CCDC14: variants seen among roughly 807,000 people sequenced by gnomAD.
The protein encoded by CCDC14 is coiled-coil domain containing 14.
CCDC14 carries 71 observed loss-of-function variants against 81.4 expected under a neutral mutation model. The ratio of observed to expected loss-of-function variants is 0.87; its 90% CI spans 0.72 to 1.06. The LOEUF is 1.06. CCDC14 is among the 50% of genes least tolerant of loss of function. CCDC14 has a pLI of 0.00. For missense variants in CCDC14, 1,046 were observed against 1,047.3 expected (o/e 1.00, Z 0.02); for synonymous variants, 332 against 364.8 (o/e 0.91, Z 1.03).
Position 123,937,308 on chromosome 3 carries a change from T to C in CCDC14, c.1344-3553A>G, listed in dbSNP as rs553078797. 3.9e-4 allele frequency among the ~76,000 whole-genome samples: 60 copies of C among 152,226 alleles called. 2 individuals carry two copies. In the South Asian group the frequency reaches 0.012, roughly 30 times the overall value. ...ATTATTTTACATTCCCATCAGTTAA[T>C]TGTGAAATCCTTCACATCCCAACAT... On this transcript the variant is annotated intron_variant, in intron 9 of 12. Transcript: ENST00000409697.
chr3:123,899,710 C>G (rs1215898709), intron 5 of CCDC14, among the ~76,000 whole-genome samples: 3 of 152,218 alleles, frequency 2.0e-5, no homozygotes, highest in Non-Finnish European at 4.4e-5. Flanking sequence ...TCTTGTCCCT[C>G]TAATCCACAC....
Position 123,931,291 on chromosome 3 carries a change from A to G in CCDC14, c.1645+17T>C, listed in dbSNP as rs2035688720. On this transcript the variant is annotated intron_variant, in intron 11 of 12. Transcript: ENST00000409697. ...CCTTTTAAAAGATGTGACCATAACTACTGTCTAAATACGTACCAATTTTTA... is the reference window on the plus strand; with the variant it reads ...CCTTTTAAAAGATGTGACCATAACTGCTGTCTAAATACGTACCAATTTTTA... 1 of 1,568,486 alleles carries G rather than the reference A, an allele frequency of 6.4e-7. No individual in the cohort carries two copies. Among genetic ancestry groups the G allele is most frequent in the Non-Finnish European group, 8.7e-7 (1 of 1,155,328 alleles).
At chr3:123,919,472 G>C (rs2034911902) in intron 12 of CCDC14, among the ~76,000 whole-genome samples, 1 of 152,094 alleles carries the variant, frequency 6.6e-6, no homozygotes, top group African/African-American at 2.4e-5. Context: ...ATTCTAAACA[G>C]CAGTAGCACT....
At chr3:123,935,205 A>G (rs2035989035) in intron 9 of CCDC14, among the ~76,000 whole-genome samples, 1 of 152,172 alleles carries the variant, frequency 6.6e-6, no homozygotes, top group African/African-American at 2.4e-5. Context: ...AACATGAAGA[A>G]TTGCAAATTT....
rs996153410 is a variant in CCDC14, at chr3:123,956,344, T to G, written c.159+11A>C. ...ATTAAAATAGTGTGTATTGTATCTA[T>G]TCAATCTTACCTGACTTTCTGAATC... On this transcript the variant is annotated intron_variant, in intron 3 of 12. Transcript: ENST00000409697. 15 of 1,528,482 alleles carry G rather than the reference T, an allele frequency of 9.8e-6. No individual in the cohort carries two copies. The African/African-American group carries it at 1.8e-4, about 18-fold the overall frequency. The allele number at this position is 1,528,482 out of a possible 1,614,324, so 94.7% of individuals were successfully genotyped here. A position where few individuals can be genotyped will look rare whatever the true frequency, so the allele number is the denominator to read the frequency against.
At chr3:123,945,989 A>G (rs1577312532) in intron 8 of CCDC14, among the ~76,000 whole-genome samples, 1 of 152,130 alleles carries the variant, frequency 6.6e-6, no homozygotes, top group Non-Finnish European at 1.5e-5. Flanking sequence ...TGTTCAATAA[A>G]TGACAGCTAA....
At chr3:123,918,572 C>G (rs1014667731) in intron 12 of CCDC14, among the ~76,000 whole-genome samples, 2 of 152,118 alleles carry the variant, frequency 1.3e-5, no homozygotes, top group African/African-American at 4.8e-5. Context: ...TTAAAAGGAA[C>G]AGTTTCACCC....
chr3:123,926,530 ATTAT>A (rs1382712084), intron 12 of CCDC14, among the ~76,000 whole-genome samples: 2 of 148,246 alleles, frequency 1.3e-5, no homozygotes, highest in Non-Finnish European at 3.0e-5. Flanking sequence ...AATGTTATAT[ATTAT>A]TTAATTTATA....
rs1018522920 is a variant in CCDC14 at position 123,920,087 on chromosome 3, A to G, written c.1779-4369T>C. ...GAAACAAATTTTAAAAATCAAATAG[A>G]TATCTTAGAGATAAAAAACACAGTA... On this transcript the variant is annotated intron_variant, in intron 12 of 12. Transcript: ENST00000409697. Among the ~76,000 whole-genome samples, 14 of 152,326 alleles carry G rather than the reference A, an allele frequency of 9.2e-5. No homozygotes were observed. The East Asian group carries it at 2.5e-3, about 27-fold the overall frequency.
chr3:123,945,027 A>G (rs780265619), intron 8 of CCDC14, 37 bp from the exon 9 acceptor site: 3 of 1,461,730 alleles, frequency 2.1e-6, no homozygotes, highest in Non-Finnish European at 2.8e-6. Flanking sequence ...AATCAATATT[A>G]TATTTTTGGA....
chr3:123,888,683 C>T, the CCDC14 span, among the ~76,000 whole-genome samples: 1 of 152,160 alleles, frequency 6.6e-6, no homozygotes, highest in Admixed American at 6.5e-5. Context: ...CATATAGTGG[C>T]AGGAGAAAGA....
intron 12 of CCDC14, among the ~76,000 whole-genome samples, chr3:123,919,687 A>G (rs1159401133): frequency 1.3e-5 from 2 of 152,194 alleles, no homozygotes; most frequent in Non-Finnish European, 2.9e-5. Context: ...ACCCAACAGC[A>G]AGGTCTGCCT....
rs1577214235 is a variant in CCDC14 at position 123,913,707 on chromosome 3, C to G, written c.*1072G>C. The G allele has an allele frequency of 1.0e-6, 1 of 972,866 alleles. No homozygotes were observed. The highest frequency in any genetic ancestry group is 1.2e-4 in the East Asian group (1 of 8,394). The allele number at this position is 972,866 out of a possible 1,614,324, so 60.3% of individuals were successfully genotyped here. On this transcript the variant is annotated 3_prime_UTR_variant, in exon 13 of 13. Coordinates refer to ENST00000409697, the MANE Select transcript of CCDC14 (RefSeq NM_001366335.1). ...AAAAAACCACCAAAAAAACAAAAAACACGAGGAGGTTCTGGGATTAGGAGA... is the reference window on the plus strand; with the variant it reads ...AAAAAACCACCAAAAAAACAAAAAAGACGAGGAGGTTCTGGGATTAGGAGA...
At chr3:123,953,856 A>T (rs952263093) in intron 5 of CCDC14, 3 of 152,236 alleles carry the variant, frequency 2.0e-5, no homozygotes, top group Admixed American at 6.6e-5. Context: ...AGATGATAAC[A>T]GCTCTGCTGC....
At chr3:123,929,320 TA>T (rs1275891183) in intron 12 of CCDC14, among the ~76,000 whole-genome samples, 2 of 152,164 alleles carry the variant, frequency 1.3e-5, no homozygotes, top group Admixed American at 6.5e-5. Context: ...ATTTATTTAT[TA>T]TTTTTTTGAG....
At position 123,948,713 on chromosome 3, in the gene CCDC14, G is replaced by T. The variant is rs181500035; in HGVS notation, c.662C>A (p.Pro221His). Residue 221 changes from proline to histidine, a missense_variant, in exon 7 of 13, where the codon CCC becomes CAC. By Grantham distance (77) the Pro-to-His change is moderately conservative. Coordinates refer to ENST00000409697, the MANE Select transcript of CCDC14 (RefSeq NM_001366335.1). The part of the protein sequence containing the change: ...STPVWSLQRP[P>H]CPPKVHSEVQ... Reference sequence around the variant, plus strand: ...CACAGAATGAACCTTTGGAGGGCAGGGTGGCCGCTGAAGTGACCAGACTGG... The same window carrying T: ...CACAGAATGAACCTTTGGAGGGCAGTGTGGCCGCTGAAGTGACCAGACTGG... The T allele has an allele frequency of 6.9e-6, 11 of 1,600,964 alleles. No homozygotes were observed. The Admixed American group carries it at 2.0e-4, about 29-fold the overall frequency.
the CCDC14 span, among the ~76,000 whole-genome samples, chr3:123,890,007 A>G: frequency 6.6e-6 from 1 of 152,216 alleles, no homozygotes; most frequent in Non-Finnish European, 1.5e-5. Flanking sequence ...AGGCCTCACA[A>G]TCATGGTGGA....
intron 9 of CCDC14, among the ~76,000 whole-genome samples, chr3:123,940,568 C>T (rs1202360099): frequency 6.6e-6 from 1 of 151,930 alleles, no homozygotes; most frequent in East Asian, 1.9e-4. Context: ...TGATGTCACT[C>T]TCCTAATTTT....
intron 10 of CCDC14, among the ~76,000 whole-genome samples, chr3:123,931,841 G>A (rs2035738771): frequency 6.6e-6 from 1 of 152,122 alleles, no homozygotes; most frequent in Non-Finnish European, 1.5e-5. Context: ...GAATGTCAAT[G>A]ATTCTCAATG....
Sources: allele counts gnomAD v4.1 joint callset (sites outside exome capture counted in the v4.1 genomes callset), GRCh38; gene constraint gnomAD v4.1.1; transcripts MANE v1.5; gene names NCBI Gene and HGNC (gene_info 2026-07-23, HGNC 2026-07-21).